The following CHP1 variants were observed in gnomAD, a reference collection of about 807,000 sequenced individuals.
CHP1 encodes calcineurin B homologous protein 1.
Under a neutral mutation model 27.4 loss-of-function variants are expected in CHP1, and 11 were observed. The observed-to-expected ratio is 0.40, with a 90% CI of 0.25 to 0.67. The LOEUF (loss-of-function observed/expected upper bound fraction) is 0.67, where lower values mean the gene tolerates loss of function less well. Ranked by LOEUF, CHP1 falls within the 30% of genes least tolerant of loss-of-function variation. CHP1 has a pLI of 0.38. For synonymous variants in CHP1, 89 were observed against 87.4 expected (o/e 1.02, Z -0.10); for missense variants, 169 against 251.3 (o/e 0.67, Z 2.22).
At position 41,253,767 on chromosome 15, in the gene CHP1, T is replaced by G. The variant is rs146708640; in HGVS notation, c.141-3143T>G. On this transcript the variant is annotated intron_variant, in intron 2 of 6. Transcript: ENST00000334660. Reference sequence around the variant, plus strand: ...CTGCGCCCGGCTGACAAATTATTTTTTATACTCTTTCTGTTTGTTTTGTTT... The same window carrying G: ...CTGCGCCCGGCTGACAAATTATTTTGTATACTCTTTCTGTTTGTTTTGTTT... Among the ~76,000 whole-genome samples, 725 of 151,930 alleles carry G rather than the reference T, an allele frequency of 4.8e-3. 9 individuals are homozygous for G. The highest frequency in any genetic ancestry group is 0.017 in the African/African-American group (700 of 41,442).
At chr15:41,251,138 A>G (rs1446353126) in intron 2 of CHP1, among the ~76,000 whole-genome samples, 1 of 152,058 alleles carries the variant, frequency 6.6e-6, no homozygotes, top group Non-Finnish European at 1.5e-5. Flanking sequence ...GGCCCAGAGG[A>G]TGTTTTTAAA....
chr15:41,244,847 G>C (rs2047325716), intron 2 of CHP1, among the ~76,000 whole-genome samples: 1 of 152,098 alleles, frequency 6.6e-6, no homozygotes, highest in African/African-American at 2.4e-5. Flanking sequence ...CCTTTCTTAT[G>C]CTGTGGTTCT....
In CHP1 at chr15:41,262,849, C is replaced by T. The variant is rs992115343; in HGVS notation, c.315C>T (p.Pro105=). The change falls in exon 4 of 7, where the codon CCC becomes CCT. Residue 105 remains proline (P), a synonymous_variant. Coordinates refer to ENST00000334660, the MANE Select transcript of CHP1 (RefSeq NM_007236.5). ...DNEKSKDVNG[P]EPLNSRSNKL... ...AAAAGAGCAAAGATGTGAATGGACC[C>T]GAACCACTCAACAGCCGAAGCAACA... The T allele has an allele frequency of 6.8e-6, 11 of 1,613,942 alleles. No homozygotes were observed. The highest frequency in any genetic ancestry group is 1.6e-4 in the Middle Eastern group (1 of 6,064).
At chr15:41,255,410 C>T (rs757965808) in intron 2 of CHP1, among the ~76,000 whole-genome samples, 9 of 152,206 alleles carry the variant, frequency 5.9e-5, no homozygotes, top group African/African-American at 1.4e-4. Flanking sequence ...CGGTGGCTCA[C>T]GCCTGTAATC....
intron 4 of CHP1, among the ~76,000 whole-genome samples, chr15:41,266,365 A>G (rs2047460648): frequency 1.3e-5 from 2 of 152,284 alleles, no homozygotes; most frequent in South Asian, 4.1e-4. Flanking sequence ...TGTTTAAAAA[A>G]AAAAAAGTGA....
At chr15:41,270,649 T>C (rs770396992) in intron 5 of CHP1, 31 bp downstream of exon 5, 1 of 1,558,302 alleles carries the variant, frequency 6.4e-7, no homozygotes, top group South Asian at 1.1e-5. Context: ...GAACTTGTGC[T>C]TGGACTCTGC....
rs1003354236 is a variant in CHP1 at position 41,272,773 on chromosome 15, G to C, written c.411+2155G>C. ...GTAAGAAAAGAAAATTAGGGGCCAG[G>C]CGCAGTGGCTCATGCCTGTAATCCC... On this transcript the variant is annotated intron_variant, in intron 5 of 6. Coordinates refer to ENST00000334660, the MANE Select transcript of CHP1 (RefSeq NM_007236.5). Among the ~76,000 whole-genome samples, 3 of 152,100 alleles carry C rather than the reference G, an allele frequency of 2.0e-5. No individual in the cohort carries two copies. In the East Asian group the frequency reaches 5.8e-4, roughly 29 times the overall value.
chr15:41,267,842 G>A (rs993769807), intron 4 of CHP1, among the ~76,000 whole-genome samples: 2 of 150,888 alleles, frequency 1.3e-5, no homozygotes, highest in East Asian at 2.0e-4. Context: ...GCTGAGGCAG[G>A]AGGATCACTT....
At chr15:41,279,080 G>A (rs1374608070) in intron 6 of CHP1, among the ~76,000 whole-genome samples, 191 bp downstream of exon 6, 9 of 151,964 alleles carry the variant, frequency 5.9e-5, no homozygotes, top group Non-Finnish European at 1.0e-4. Context: ...GCGTGGTGGC[G>A]CGTGCCTGTA....
chr15:41,240,825 T>C (rs185634144), intron 1 of CHP1, among the ~76,000 whole-genome samples: 3 of 151,878 alleles, frequency 2.0e-5, no homozygotes, highest in African/African-American at 7.2e-5. Flanking sequence ...CAAATTTTGT[T>C]TTTTTCAAAA....
chr15:41,262,784 A>G lies in CHP1; in HGVS notation c.250A>G (p.Met84Val), dbSNP rs1449063056. Residue 84 changes from methionine to valine, a missense_variant, in exon 4 of 7, where the codon ATG becomes GTG. Transcript: ENST00000334660. Reference sequence around the variant, plus strand: ...GGACCAGGTAAACTTCCGTGGATTCATGCGAACTTTGGCTCATTTCCGCCC... The same window carrying G: ...GGACCAGGTAAACTTCCGTGGATTCGTGCGAACTTTGGCTCATTTCCGCCC... ...GEDQVNFRGF[M>V]RTLAHFRPIE... The G allele has an allele frequency of 1.2e-6, 2 of 1,613,146 alleles. No individual in the cohort carries two copies. Among genetic ancestry groups the G allele is most frequent in the Non-Finnish European group, 1.7e-6 (2 of 1,180,002 alleles).
At chr15:41,260,603 C>A (rs1365578780) in intron 3 of CHP1, among the ~76,000 whole-genome samples, 1 of 151,942 alleles carries the variant, frequency 6.6e-6, no homozygotes, top group African/African-American at 2.4e-5. Flanking sequence ...CCATGTTGGC[C>A]AGGCTGGTCT....
At chr15:41,276,154 T>C (rs962140843) in intron 5 of CHP1, among the ~76,000 whole-genome samples, 2 of 151,236 alleles carry the variant, frequency 1.3e-5, no homozygotes, top group Non-Finnish European at 2.9e-5. Flanking sequence ...GGCAGGAGAA[T>C]CGCCTGAACC....
chr15:41,268,705 G>A (rs1018041351), intron 4 of CHP1, among the ~76,000 whole-genome samples: 1 of 151,014 alleles, frequency 6.6e-6, no homozygotes, highest in Non-Finnish European at 1.5e-5. Flanking sequence ...ACTTTGGGAG[G>A]CCGAGGTGGT....
intron 4 of CHP1, among the ~76,000 whole-genome samples, chr15:41,264,414 A>G (rs1437346299): frequency 6.6e-6 from 1 of 152,108 alleles, no homozygotes; most frequent in Non-Finnish European, 1.5e-5. Context: ...ACAAAGTGCT[A>G]TGCAGGTTAT....
chr15:41,268,654 A>C (rs543467907), intron 4 of CHP1, among the ~76,000 whole-genome samples: 1 of 145,240 alleles, frequency 6.9e-6, no homozygotes, highest in East Asian at 2.1e-4. Flanking sequence ...AAAAAAAAAA[A>C]ATTCAGGCCA....
chr15:41,274,574 G>A (rs2047509571), intron 5 of CHP1, among the ~76,000 whole-genome samples: 1 of 152,008 alleles, frequency 6.6e-6, no homozygotes, highest in Admixed American at 6.6e-5. Flanking sequence ...GTGAAATGAT[G>A]TTAAAGACAC....
At position 41,280,268 on chromosome 15, in the gene CHP1, C is replaced by T. The variant is rs976910284; in HGVS notation, c.*879C>T. 1 of 152,514 alleles carries T rather than the reference C, an allele frequency of 6.6e-6. No individual in the cohort carries two copies. Among genetic ancestry groups the T allele is most frequent in the African/African-American group, 2.4e-5 (1 of 41,410 alleles). The allele number at this position is 152,514 out of a possible 1,614,324, so 9.4% of individuals were successfully genotyped here. ...TGTTGAAAAAGCAGCAGTATGCTTA[C>T]AGGTTTGCTTAGTTTGGGGACACCG... On this transcript the variant is annotated 3_prime_UTR_variant, in exon 7 of 7. Transcript: ENST00000334660.
intron 5 of CHP1, among the ~76,000 whole-genome samples, chr15:41,276,747 G>A (rs977642548): frequency 2.6e-5 from 4 of 152,130 alleles, no homozygotes; most frequent in Non-Finnish European, 5.9e-5. Flanking sequence ...GCAGCACTTC[G>A]AAGAGGACGA....
Sources: gnomAD v4.1 joint callset for allele counts (sites outside exome capture counted in the v4.1 genomes callset) on GRCh38, gnomAD v4.1.1 for gene constraint, MANE v1.5 for transcripts, NCBI Gene and HGNC (gene_info 2026-07-23, HGNC 2026-07-21) for gene names.